The following TSPAN12 variants were observed in gnomAD, a reference collection of about 807,000 sequenced individuals.
TSPAN12 encodes the protein tetraspanin 12, also known as tetraspanin-12.
Under a neutral mutation model 39.2 loss-of-function variants are expected in TSPAN12, and 19 were observed. The ratio of observed to expected loss-of-function variants is 0.49; its 90% CI spans 0.34 to 0.71. TSPAN12 has a LOEUF of 0.71. Among genes scored for constraint, TSPAN12 ranks in the 30% least tolerant of loss-of-function variants. The pLI is 0.01. For synonymous variants in TSPAN12, 119 were observed against 124.8 expected (o/e 0.95, Z 0.31); for missense variants, 314 against 359.9 (o/e 0.87, Z 1.03).
chr7:120,804,034 A>G (rs940541536), intron 7 of TSPAN12, among the ~76,000 whole-genome samples: 2 of 152,282 alleles, frequency 1.3e-5, no homozygotes, highest in African/African-American at 4.8e-5. Flanking sequence ...CATGATCAAT[A>G]GTAGTTATAA....
At chr7:120,817,143 G>A (rs1024865651) in intron 4 of TSPAN12, among the ~76,000 whole-genome samples, 3 of 152,076 alleles carry the variant, frequency 2.0e-5, no homozygotes, top group South Asian at 4.1e-4. Flanking sequence ...GTTTTGGGAG[G>A]TGGGAGGGTC....
chr7:120,798,893 A>C (rs1039960612), intron 7 of TSPAN12, among the ~76,000 whole-genome samples: 1 of 152,176 alleles, frequency 6.6e-6, no homozygotes, highest in African/African-American at 2.4e-5. Context: ...TAGAAGCCCA[A>C]AGAGTTACTA....
chr7:120,810,824 G>A (rs1450150856), intron 5 of TSPAN12, among the ~76,000 whole-genome samples: 2 of 152,120 alleles, frequency 1.3e-5, no homozygotes, highest in Non-Finnish European at 2.9e-5. Context: ...AAAAAAATGA[G>A]AAATCACTTT....
chr7:120,836,458 T>A (rs980541541), intron 4 of TSPAN12, among the ~76,000 whole-genome samples: 3 of 152,050 alleles, frequency 2.0e-5, no homozygotes, highest in African/African-American at 4.8e-5. Flanking sequence ...AGATGCTTTG[T>A]AAAAAAGAGT....
At chr7:120,826,001 G>A (rs1022879590) in intron 4 of TSPAN12, among the ~76,000 whole-genome samples, 1 of 152,140 alleles carries the variant, frequency 6.6e-6, no homozygotes, top group African/African-American at 2.4e-5. Flanking sequence ...TTGTCTTAGA[G>A]ACCGTCCCAA....
intron 7 of TSPAN12, among the ~76,000 whole-genome samples, chr7:120,799,382 T>C (rs1043557542): frequency 6.9e-6 from 1 of 145,134 alleles, no homozygotes; most frequent in Non-Finnish European, 1.5e-5. Flanking sequence ...GAAACATTTA[T>C]TTTTAATATA....
intron 4 of TSPAN12, among the ~76,000 whole-genome samples, chr7:120,828,726 T>C (rs1467099095): frequency 6.6e-6 from 1 of 151,132 alleles, no homozygotes; most frequent in Non-Finnish European, 1.5e-5. Flanking sequence ...TGAAAGTACT[T>C]TCATAATAAA....
intron 4 of TSPAN12, among the ~76,000 whole-genome samples, chr7:120,828,786 A>G (rs932522383): frequency 6.6e-6 from 1 of 151,548 alleles, no homozygotes; most frequent in Non-Finnish European, 1.5e-5. Context: ...CTGTGCTTCA[A>G]CTCAACTGTG....
At chr7:120,858,256 G>T (rs918086905), upstream of TSPAN12, 1 of 152,330 alleles carries the variant, frequency 6.6e-6, no homozygotes, top group Non-Finnish European at 1.5e-5. Context: ...GGGTCCAGAA[G>T]ATAATGCCTA....
intron 7 of TSPAN12, among the ~76,000 whole-genome samples, chr7:120,790,757 G>T (rs2116282749): frequency 6.6e-6 from 1 of 152,308 alleles, no homozygotes; most frequent in East Asian, 1.9e-4. Context: ...CATAGTTCGG[G>T]AAGAGTCACC....
intron 2 of TSPAN12, among the ~76,000 whole-genome samples, chr7:120,852,080 C>G (rs1794779344): frequency 6.6e-6 from 1 of 151,836 alleles, no homozygotes; most frequent in Non-Finnish European, 1.5e-5. Flanking sequence ...AAAAAGTACT[C>G]AAGATATACT....
At chr7:120,800,708 C>A (rs1024975596) in intron 7 of TSPAN12, among the ~76,000 whole-genome samples, 2 of 151,688 alleles carry the variant, frequency 1.3e-5, no homozygotes, top group African/African-American at 4.8e-5. Flanking sequence ...TTATTCCTAT[C>A]CCAATAATCC....
At chr7:120,795,934 G>GA (rs1323739352) in intron 7 of TSPAN12, among the ~76,000 whole-genome samples, 10 of 152,270 alleles carry the variant, frequency 6.6e-5, no homozygotes, top group African/African-American at 2.4e-4. Context: ...AAATGCAGTA[G>GA]AAAAAAGTCA....
intron 7 of TSPAN12, among the ~76,000 whole-genome samples, chr7:120,790,248 C>A (rs1793496176): frequency 6.6e-6 from 1 of 152,118 alleles, no homozygotes; most frequent in South Asian, 2.1e-4. Context: ...AGGAACGATG[C>A]CACTTCAACG....
chr7:120,825,110 C>A (rs1794260125), intron 4 of TSPAN12, among the ~76,000 whole-genome samples: 1 of 152,108 alleles, frequency 6.6e-6, no homozygotes, highest in South Asian at 2.1e-4. Context: ...AGAATTTTTA[C>A]ATTAAAAGAA....
intron 2 of TSPAN12, among the ~76,000 whole-genome samples, chr7:120,855,961 T>C (rs551227116): frequency 3.9e-4 from 60 of 152,276 alleles, no homozygotes; most frequent in Middle Eastern, 3.4e-3. Flanking sequence ...AATTGTTACA[T>C]TTTCCTAAGT....
At chr7:120,789,619 T>C (rs1324892928) in intron 7 of TSPAN12, among the ~76,000 whole-genome samples, 1 of 152,208 alleles carries the variant, frequency 6.6e-6, no homozygotes, top group Non-Finnish European at 1.5e-5. Flanking sequence ...TATGTGTTGT[T>C]TTAATAAGCA....
chr7:120,800,248 C>T (rs1234500722), intron 7 of TSPAN12, among the ~76,000 whole-genome samples: 1 of 152,098 alleles, frequency 6.6e-6, no homozygotes, highest in Non-Finnish European at 1.5e-5. Context: ...AACCCTCAAA[C>T]AGCCCATCCC....
chr7:120,791,171 A>G (rs1251767510), intron 7 of TSPAN12, among the ~76,000 whole-genome samples: 1 of 152,106 alleles, frequency 6.6e-6, no homozygotes, highest in Non-Finnish European at 1.5e-5. Context: ...TCTACTAAAA[A>G]TACAAAAATT....
Sources: allele counts gnomAD v4.1 joint callset (sites outside exome capture counted in the v4.1 genomes callset), GRCh38; gene constraint gnomAD v4.1.1; transcripts MANE v1.5; gene names NCBI Gene and HGNC (gene_info 2026-07-23, HGNC 2026-07-21).